NUBPL: variants seen among roughly 807,000 people sequenced by gnomAD.
NUBPL encodes iron-sulfur cluster transfer protein NUBPL.
NUBPL carries 31 observed loss-of-function variants against 45.7 expected under a neutral mutation model. That is an observed-to-expected ratio of 0.68 (90% CI 0.51 to 0.92). The LOEUF is 0.92. Ranked by LOEUF, NUBPL falls within the 40% of genes least tolerant of loss-of-function variation. The pLI, the probability that NUBPL is intolerant of heterozygous loss-of-function variation, is 0.00. For synonymous variants in NUBPL, 144 were observed against 140.9 expected, an observed-to-expected ratio of 1.02 and a Z score of -0.15; for missense variants, 401 against 398.7, an observed-to-expected ratio of 1.01 and a Z score of -0.05.
rs554571276 is a variant in NUBPL, at chr14:31,577,894, T to C, written c.291+12846T>C. ...GCCACCTTAGTGGTTTCAAGTAATG[T>C]CATTTCCTCCTCTATTGGTTCATAT... is the stretch of plus-strand genomic sequence containing the variant. On this transcript the variant is annotated intron_variant, in intron 3 of 10. Coordinates refer to ENST00000281081, the MANE Select transcript of NUBPL (RefSeq NM_025152.3). The C allele has an allele frequency of 3.3e-5, 39 of 1,175,520 alleles. No individual in the cohort carries two copies. The South Asian group carries it at 4.5e-4, about 14-fold the overall frequency. 72.8% of individuals were successfully genotyped at this position (1,175,520 alleles called of 1,614,324 possible). A position where few individuals can be genotyped will look rare whatever the true frequency, so the allele number is the denominator to read the frequency against.
chr14:31,665,891 T>C (rs2036397695), intron 4 of NUBPL, among the ~76,000 whole-genome samples: 1 of 152,160 alleles, frequency 6.6e-6, no homozygotes, highest in Admixed American at 6.5e-5. Context: ...CTCTAAGAAC[T>C]AGCTTTGTGA....
intron 3 of NUBPL, among the ~76,000 whole-genome samples, chr14:31,589,354 T>G (rs2034081550): frequency 6.6e-6 from 1 of 152,156 alleles, no homozygotes; most frequent in Non-Finnish European, 1.5e-5. Flanking sequence ...CATCTGTGAT[T>G]GAGTAAGTTA....
chr14:31,817,235 T>C (rs1033366567), intron 7 of NUBPL, among the ~76,000 whole-genome samples: 19 of 152,096 alleles, frequency 1.2e-4, no homozygotes, highest in Admixed American at 3.9e-4. Context: ...TGAAACCAAG[T>C]TGAAAAACAC....
intron 3 of NUBPL, among the ~76,000 whole-genome samples, chr14:31,567,347 C>A (rs146514106): frequency 6.6e-6 from 1 of 152,092 alleles, no homozygotes; most frequent in Admixed American, 6.5e-5. Context: ...CAGTATCAAG[C>A]TTTGAGTATT....
At chr14:31,832,201 T>C (rs2040204073) in intron 8 of NUBPL, among the ~76,000 whole-genome samples, 1 of 152,192 alleles carries the variant, frequency 6.6e-6, no homozygotes, top group East Asian at 1.9e-4. Flanking sequence ...ATGTGAAATA[T>C]TTCTTTTATC....
At chr14:31,798,066 ACT>A (rs2039498644) in intron 7 of NUBPL, among the ~76,000 whole-genome samples, 1 of 147,754 alleles carries the variant, frequency 6.8e-6, no homozygotes, top group African/African-American at 2.6e-5. Context: ...ATTGGCCCCC[ACT>A]CTCTTCTGGC....
At chr14:31,742,122 A>C (rs1248165858) in intron 6 of NUBPL, among the ~76,000 whole-genome samples, 1 of 152,084 alleles carries the variant, frequency 6.6e-6, no homozygotes, top group Non-Finnish European at 1.5e-5. Flanking sequence ...CAGACAATAG[A>C]TATGACCCTA....
chr14:31,732,058 G>C (rs749017890), intron 6 of NUBPL, among the ~76,000 whole-genome samples: 4 of 151,792 alleles, frequency 2.6e-5, no homozygotes, highest in Non-Finnish European at 5.9e-5. Flanking sequence ...AAAAAGCCGG[G>C]CATGGTGTGC....
intron 6 of NUBPL, among the ~76,000 whole-genome samples, chr14:31,739,653 A>G (rs1235618934): frequency 6.6e-6 from 1 of 152,172 alleles, no homozygotes; most frequent in Non-Finnish European, 1.5e-5. Context: ...ATGAACCTAC[A>G]TTGACACATC....
chr14:31,834,209 T>A (rs1226278828), intron 8 of NUBPL, among the ~76,000 whole-genome samples: 8 of 114,834 alleles, frequency 7.0e-5, no homozygotes, highest in South Asian at 2.8e-4. Flanking sequence ...TGAGACAGAG[T>A]CTTGCTCTGT....
intron 3 of NUBPL, among the ~76,000 whole-genome samples, chr14:31,566,931 G>A (rs753085872): frequency 2.0e-5 from 3 of 152,142 alleles, no homozygotes; most frequent in African/African-American, 4.8e-5. Flanking sequence ...CAGAAGGTAC[G>A]TAATTCTGCC....
chr14:31,677,255 G>A (rs531801164), intron 6 of NUBPL, among the ~76,000 whole-genome samples: 25 of 152,174 alleles, frequency 1.6e-4, no homozygotes, highest in Admixed American at 2.6e-4. Flanking sequence ...TACAGTCACC[G>A]TGTTGTGCTA....
chr14:31,742,237 TACACACACACACACACACACAC>T (rs3035713), intron 6 of NUBPL, among the ~76,000 whole-genome samples: 1 of 141,382 alleles, frequency 7.1e-6, no homozygotes, highest in African/African-American at 2.6e-5. Flanking sequence ...AACTATTGTG[TACACACACACACACACACACAC>T]ACACACACAC....
At chr14:31,819,677 A>C (rs1341439224) in intron 7 of NUBPL, among the ~76,000 whole-genome samples, 6 of 152,220 alleles carry the variant, frequency 3.9e-5, no homozygotes, top group Non-Finnish European at 8.8e-5. Context: ...AATATTCTAA[A>C]TAATTATTTT....
intron 6 of NUBPL, among the ~76,000 whole-genome samples, chr14:31,783,827 T>A (rs977064129): frequency 6.6e-6 from 1 of 152,182 alleles, no homozygotes; most frequent in Non-Finnish European, 1.5e-5. Context: ...CAATAGCAGT[T>A]TTCTTTAAAG....
intron 4 of NUBPL, among the ~76,000 whole-genome samples, chr14:31,672,100 GA>G (rs1238227074): frequency 6.6e-6 from 1 of 152,080 alleles, no homozygotes; most frequent in Non-Finnish European, 1.5e-5. Flanking sequence ...CTATATAAAG[GA>G]TTTTTTTACT....
intron 7 of NUBPL, among the ~76,000 whole-genome samples, chr14:31,788,832 G>T (rs2039329549): frequency 1.3e-5 from 2 of 152,200 alleles, no homozygotes; most frequent in Middle Eastern, 3.4e-3. Flanking sequence ...TTTCTCAGGG[G>T]CTCTCTCTCC....
At chr14:31,828,317 T>C (rs958547185) in intron 8 of NUBPL, among the ~76,000 whole-genome samples, 2 of 152,206 alleles carry the variant, frequency 1.3e-5, no homozygotes, top group African/African-American at 4.8e-5. Context: ...TAGGGGATTT[T>C]AAAATATAAA....
intron 7 of NUBPL, among the ~76,000 whole-genome samples, chr14:31,825,528 G>A (rs920282879): frequency 2.1e-5 from 3 of 141,558 alleles, no homozygotes; most frequent in Non-Finnish European, 4.6e-5. Context: ...CTCCTCCTTA[G>A]CATATGGTAT....
Sources: gnomAD v4.1 joint callset for allele counts (sites outside exome capture counted in the v4.1 genomes callset) on GRCh38, gnomAD v4.1.1 for gene constraint, MANE v1.5 for transcripts, NCBI Gene and HGNC (gene_info 2026-07-23, HGNC 2026-07-21) for gene names.